Variants in PPP4R2 observed in about 807,000 individuals in gnomAD.
PPP4R2 encodes the protein protein phosphatase 4 regulatory subunit 2.
PPP4R2 carries 13 observed loss-of-function variants against 47.2 expected under a neutral mutation model. The ratio of observed to expected loss-of-function variants is 0.28; its 90% confidence interval spans 0.18 to 0.44. PPP4R2 has a LOEUF of 0.44. PPP4R2 is among the 20% of genes least tolerant of loss of function. The probability of loss-of-function intolerance (pLI) is 1.00; values close to 1 mark genes in which losing one functional copy is unlikely to be tolerated. For missense variants in PPP4R2, 421 were observed against 491.2 expected (o/e 0.86, Z 1.35); for synonymous variants, 151 against 163.3 (o/e 0.92, Z 0.57).
chr3:73,033,389 A>C (rs1036926017), intron 2 of PPP4R2, among the ~76,000 whole-genome samples: 1 of 152,116 alleles, frequency 6.6e-6, no homozygotes, highest in Non-Finnish European at 1.5e-5. Context: ...ACACAGTTTT[A>C]CTGCAGTGTG....
At position 73,068,003 on chromosome 3, in the gene PPP4R2, T is replaced by C. The variant is rs1231573262; in HGVS notation, c.*2281T>C. The C allele has an allele frequency of 6.6e-6, 1 of 152,192 alleles. No homozygotes were observed. The highest frequency in any genetic ancestry group is 1.9e-4 in the East Asian group (1 of 5,202). 9.4% of individuals were successfully genotyped at this position (152,192 alleles called of 1,614,324 possible). A position where few individuals can be genotyped will look rare whatever the true frequency, so the allele number is the denominator to read the frequency against. On this transcript the variant is annotated 3_prime_UTR_variant, in exon 9 of 9. Coordinates refer to ENST00000356692, the MANE Select transcript of PPP4R2 (RefSeq NM_174907.4). ...TATACAGATAATTGTAGAATGCTCA[T>C]GGAATATCTTTAGGGTAGGTGGAAT...
intron 2 of PPP4R2, among the ~76,000 whole-genome samples, chr3:73,021,499 G>A (rs757586356): frequency 6.6e-6 from 1 of 152,028 alleles, no homozygotes; most frequent in Non-Finnish European, 1.5e-5. Context: ...TGACTCCAGA[G>A]TGTTAGGATT....
In PPP4R2 at chr3:73,062,230, A is replaced by G. The variant is rs1702876507; in HGVS notation, c.419+1170A>G. 4 of 1,597,076 alleles carry G rather than the reference A, an allele frequency of 2.5e-6. No individual in the cohort carries two copies. The South Asian group carries it at 3.4e-5, about 14-fold the overall frequency. ...CGGAACCAATTTTCCACAATGTCTC[A>G]TCTAAGAAAGGACTCACAGCCCAGC... On this transcript the variant is annotated intron_variant, in intron 5 of 8. Transcript: ENST00000356692.
At chr3:72,997,594 C>G (rs866427353) in intron 1 of PPP4R2, among the ~76,000 whole-genome samples, 1 of 152,322 alleles carries the variant, frequency 6.6e-6, no homozygotes. Context: ...TTCCACGCAA[C>G]AGGCTTGAGA....
At chr3:73,050,538 T>G (rs1190957252) in intron 3 of PPP4R2, among the ~76,000 whole-genome samples, 1 of 152,174 alleles carries the variant, frequency 6.6e-6, no homozygotes, top group Non-Finnish European at 1.5e-5. Flanking sequence ...TCCATTCTTA[T>G]ACACTCCTCC....
At chr3:73,043,055 C>A (rs1702411505) in intron 2 of PPP4R2, among the ~76,000 whole-genome samples, 1 of 152,104 alleles carries the variant, frequency 6.6e-6, no homozygotes, top group African/African-American at 2.4e-5. Flanking sequence ...GATTAAAACA[C>A]ACCACAAGAC....
intron 2 of PPP4R2, among the ~76,000 whole-genome samples, chr3:73,016,746 T>G (rs900524476): frequency 7.5e-6 from 1 of 134,036 alleles, no homozygotes; most frequent in Non-Finnish European, 1.7e-5. Context: ...TTTATTATTT[T>G]TTTTTTTTAA....
At chr3:73,008,361 A>G (rs1575841114) in intron 2 of PPP4R2, among the ~76,000 whole-genome samples, 1 of 152,178 alleles carries the variant, frequency 6.6e-6, no homozygotes, top group Admixed American at 6.5e-5. Context: ...CTTTTTCATC[A>G]CATCATGTAA....
chr3:73,051,495 TA>T (rs1331982619), intron 3 of PPP4R2, among the ~76,000 whole-genome samples: 1 of 152,242 alleles, frequency 6.6e-6, no homozygotes, highest in East Asian at 1.9e-4. Context: ...CTAATTTTCT[TA>T]CTGGTAAGTT....
intron 2 of PPP4R2, among the ~76,000 whole-genome samples, chr3:73,006,706 A>T (rs942740274): frequency 6.6e-6 from 1 of 152,176 alleles, no homozygotes; most frequent in African/African-American, 2.4e-5. Context: ...AGTGAGCAAG[A>T]CCTGCTTCGT....
chr3:73,016,143 GTTTAA>G (rs1171883162), intron 2 of PPP4R2: 1 of 152,192 alleles, frequency 6.6e-6, no homozygotes, highest in Non-Finnish European at 1.5e-5. Flanking sequence ...GACCAATGCT[GTTTAA>G]TTAAGCTAAT....
intron 2 of PPP4R2, among the ~76,000 whole-genome samples, chr3:73,020,691 A>AAAAAT (rs1491161875): frequency 6.7e-6 from 1 of 148,640 alleles, no homozygotes; most frequent in Non-Finnish European, 1.5e-5. Context: ...AAAAAAAAAA[A>AAAAAT]GTTAAAAAAC....
At position 73,061,020 on chromosome 3, in the gene PPP4R2, C is replaced by T; in HGVS notation, c.382-3C>T. On this transcript the variant is annotated splice_polypyrimidine_tract_variant and splice_region_variant and intron_variant, in intron 4 of 8. Transcript: ENST00000356692. ...ACTAAATCACTGATTTTTGTTATTG[C>T]AGAATGTGATGGTTGTTAGCTGTGT... 2.6e-6 allele frequency: 4 copies of T among 1,552,998 alleles called. No homozygotes were observed. Among genetic ancestry groups the T allele is most frequent in the South Asian group, 1.2e-5 (1 of 81,020 alleles).
At chr3:73,010,564 C>CT (rs5850094) in intron 2 of PPP4R2, among the ~76,000 whole-genome samples, 109 of 147,790 alleles carry the variant, frequency 7.4e-4, no homozygotes, top group South Asian at 6.6e-3. Flanking sequence ...CTCTCGCTCT[C>CT]TTTTTTTTTT....
intron 2 of PPP4R2, among the ~76,000 whole-genome samples, chr3:73,020,756 G>A (rs1371442115): frequency 6.6e-6 from 1 of 151,310 alleles, no homozygotes; most frequent in Non-Finnish European, 1.5e-5. Flanking sequence ...TTGAGCTCTT[G>A]TGCTGAAACA....
At chr3:73,019,047 T>C (rs1701906439) in intron 2 of PPP4R2, among the ~76,000 whole-genome samples, 1 of 152,198 alleles carries the variant, frequency 6.6e-6, no homozygotes, top group African/African-American at 2.4e-5. Context: ...AATGACATTT[T>C]AGTCATCGAT....
chr3:73,023,254 A>G (rs1701996496), intron 2 of PPP4R2, among the ~76,000 whole-genome samples: 1 of 150,056 alleles, frequency 6.7e-6, no homozygotes, highest in Admixed American at 6.6e-5. Flanking sequence ...CGCGATCTCA[A>G]CCTCTGCTCA....
intron 2 of PPP4R2, among the ~76,000 whole-genome samples, chr3:73,000,801 C>T (rs1701442422): frequency 6.6e-6 from 1 of 152,164 alleles, no homozygotes; most frequent in South Asian, 2.1e-4. Context: ...TAGTTTCTGA[C>T]ATCATGCTAA....
At chr3:72,998,684 T>C (rs989014389) in intron 2 of PPP4R2, among the ~76,000 whole-genome samples, 2 of 152,242 alleles carry the variant, frequency 1.3e-5, no homozygotes, top group South Asian at 2.1e-4. Flanking sequence ...TTGTAGACTT[T>C]CTAAGATAGC....
Sources: gnomAD v4.1 joint callset for allele counts (sites outside exome capture counted in the v4.1 genomes callset) on GRCh38, gnomAD v4.1.1 for gene constraint, MANE v1.5 for transcripts, NCBI Gene and HGNC (gene_info 2026-07-23, HGNC 2026-07-21) for gene names.